COL21A1: variants seen among roughly 807,000 people sequenced by gnomAD.
COL21A1 encodes collagen type XXI alpha 1 chain.
COL21A1 carries 149 observed loss-of-function variants against 137.9 expected under a neutral mutation model. That is an observed-to-expected ratio of 1.08 (90% CI 0.95 to 1.24). COL21A1 has a LOEUF of 1.24. Ranked by LOEUF, COL21A1 falls within the 50% of genes most tolerant of loss-of-function variation. COL21A1 has a pLI of 0.00. For missense variants in COL21A1, 1,167 were observed against 1,158.4 expected (o/e 1.01, Z -0.11); for synonymous variants, 456 against 391.5 (o/e 1.16, Z -1.95).
intron 1 of COL21A1, among the ~76,000 whole-genome samples, chr6:56,202,862 T>C (rs1479914904): frequency 1.3e-5 from 2 of 152,184 alleles, no homozygotes; most frequent in South Asian, 2.1e-4. Context: ...TACATGTCTA[T>C]ATAATGAGAC....
In COL21A1 at chr6:56,152,777, G is replaced by A. The variant is rs574030770; in HGVS notation, c.1434+4110C>T. Reference sequence around the variant, plus strand: ...CCCAGGATTTTTTTATCACTAAAAAGAAGACCTAAATAATTTAGCAGTGCC... The same window carrying A: ...CCCAGGATTTTTTTATCACTAAAAAAAAGACCTAAATAATTTAGCAGTGCC... On this transcript the variant is annotated intron_variant, in intron 10 of 29. Transcript: ENST00000244728. Among the ~76,000 whole-genome samples, 11 of 152,100 alleles carry A rather than the reference G, an allele frequency of 7.2e-5. No individual in the cohort carries two copies. The East Asian group carries it at 1.9e-3, about 27-fold the overall frequency.
chr6:56,225,979 T>C lies in COL21A1; in HGVS notation c.-39+21408A>G, dbSNP rs559651095. Reference sequence around the variant, plus strand: ...CTGTCTTCATTGTGGTGTACATGTTTCTGGAAGTTACAAAGAGTATTATGC... The same window carrying C: ...CTGTCTTCATTGTGGTGTACATGTTCCTGGAAGTTACAAAGAGTATTATGC... On this transcript the variant is annotated intron_variant, in intron 1 of 29. Coordinates refer to ENST00000244728, the MANE Select transcript of COL21A1 (RefSeq NM_030820.4). 2.0e-5 allele frequency: 3 copies of C among 152,190 alleles called. No homozygotes were observed. The South Asian group carries it at 6.2e-4, about 32-fold the overall frequency. The allele number at this position is 152,190 out of a possible 1,614,324, so 9.4% of individuals were successfully genotyped here. A position where few individuals can be genotyped will look rare whatever the true frequency, so the allele number is the denominator to read the frequency against.
chr6:56,075,722 T>G (rs1229626983), intron 18 of COL21A1, among the ~76,000 whole-genome samples, 190 bp from the exon 19 acceptor site: 1 of 151,464 alleles, frequency 6.6e-6, no homozygotes, highest in Non-Finnish European at 1.5e-5. Flanking sequence ...GGATTTACTC[T>G]CAATATTTTT....
Position 56,101,474 on chromosome 6 carries a change from G to C in COL21A1, c.1810C>G (p.Pro604Ala). 1.3e-6 allele frequency: 2 copies of C among 1,591,190 alleles called. No individual in the cohort carries two copies. The highest frequency in any genetic ancestry group is 1.7e-6 in the Non-Finnish European group (2 of 1,166,450). The change falls in exon 17 of 30, where the codon CCT (proline) becomes GCT (alanine). Residue 604 changes from proline (P) to alanine (A), a missense_variant and splice_region_variant. Physicochemically the swap from Pro to Ala is conservative, Grantham distance 27 (BLOSUM62 -1). Coordinates refer to ENST00000244728, the MANE Select transcript of COL21A1 (RefSeq NM_030820.4). ...APGQDGTRGEPGIPGFPGNRG... is the reference protein window; with the variant it reads ...APGQDGTRGEAGIPGFPGNRG... ...AACTGAAATGAGAAGGTACTCACAG[G>C]CTCTCCCCGTGTTCCATCCTGCCCC...
rs535132539 is a variant in COL21A1, at chr6:56,217,082, G to T, written c.-39+30305C>A. Among the ~76,000 whole-genome samples the T allele has an allele frequency of 9.0e-4, 137 of 151,922 alleles. 2 individuals carry two copies. In the South Asian group the frequency reaches 0.028, roughly 31 times the overall value. ...AGAAACTTTTAAGGTGTAGAGTTTG[G>T]GTACTAATTAGAAAATATATTAAGT... On this transcript the variant is annotated intron_variant, in intron 1 of 29. Coordinates refer to ENST00000244728, the MANE Select transcript of COL21A1 (RefSeq NM_030820.4).
chr6:56,369,378 C>T (rs1353204343), intron 1 of COL21A1, among the ~76,000 whole-genome samples: 1 of 151,260 alleles, frequency 6.6e-6, no homozygotes, highest in African/African-American at 2.4e-5. Context: ...ACATATCACA[C>T]AGCAAAAGAA....
intron 1 of COL21A1, among the ~76,000 whole-genome samples, chr6:56,372,637 T>C (rs557955636): frequency 6.6e-6 from 1 of 152,324 alleles, no homozygotes; most frequent in Admixed American, 6.5e-5. Flanking sequence ...TTTATCAGCT[T>C]ATGTAAGGCT....
intron 1 of COL21A1, among the ~76,000 whole-genome samples, chr6:56,253,606 T>G (rs995764039): frequency 1.1e-4 from 17 of 152,198 alleles, no homozygotes; most frequent in Non-Finnish European, 2.9e-5. Flanking sequence ...TTCTGTATTT[T>G]TCCCTATGTG....
rs1372001204 is a variant in COL21A1, at chr6:56,124,253, G to A, written c.1690C>T (p.Leu564Phe). The change falls in exon 15 of 30, where the codon CTC (leucine) becomes TTC (phenylalanine). Residue 564 changes from leucine (L) to phenylalanine (F), a missense_variant. Coordinates refer to ENST00000244728, the MANE Select transcript of COL21A1 (RefSeq NM_030820.4). Reference sequence around the variant, plus strand: ...ATCAAACTCACAGCAGGTCCAGGGAGGCCAGGGAAGCCAGCATTCCCCTTT... The same window carrying A: ...ATCAAACTCACAGCAGGTCCAGGGAAGCCAGGGAAGCCAGCATTCCCCTTT... Reference protein sequence around the residue: ...GEKGNAGFPGLPGPAGEPGRH... With the variant: ...GEKGNAGFPGFPGPAGEPGRH... 3 of 1,603,380 alleles carry A rather than the reference G, an allele frequency of 1.9e-6. No homozygotes were observed. The highest frequency in any genetic ancestry group is 2.3e-5 in the South Asian group (2 of 88,768).
At chr6:56,279,987 T>C (rs1219566724) in intron 1 of COL21A1, among the ~76,000 whole-genome samples, 1 of 152,138 alleles carries the variant, frequency 6.6e-6, no homozygotes, top group East Asian at 1.9e-4. Flanking sequence ...CTCCTCTTCC[T>C]CACTGTGGTA....
intron 1 of COL21A1, among the ~76,000 whole-genome samples, chr6:56,211,907 A>G (rs1477828861): frequency 6.6e-6 from 1 of 152,098 alleles, no homozygotes; most frequent in African/African-American, 2.4e-5. Context: ...AATTCTAAGG[A>G]AGAGTTGAGT....
upstream of COL21A1, among the ~76,000 whole-genome samples, chr6:56,249,779 A>G (rs1403961296): frequency 1.5e-4 from 23 of 152,296 alleles, no homozygotes; most frequent in Admixed American, 1.5e-3. Context: ...GGGTGATAAA[A>G]ATGCTCTGGA....
rs1160303981 is a variant in COL21A1, at chr6:56,290,498, GA to G, written c.-39+103472del. The stretch of plus-strand genomic sequence containing the variant: ...AGATGCATATTAGAATCACTTAGGA[GA>G]TTTTTTTTTTTTTTTTTTGAGACGA... On this transcript the variant is annotated intron_variant, in intron 1 of 28. Transcript: ENST00000370819. Among the ~76,000 whole-genome samples, 12 of 132,996 alleles carry G rather than the reference GA, an allele frequency of 9.0e-5. 1 individual carries two copies. Among genetic ancestry groups the G allele is most frequent in the African/African-American group, 3.2e-4 (11 of 34,380 alleles). 87.3% of individuals were successfully genotyped at this position (132,996 alleles called of 152,430 possible).
intron 24 of COL21A1, 91 bp downstream of exon 24, chr6:56,064,487 C>T (rs1286461552): frequency 2.4e-6 from 2 of 846,512 alleles, no homozygotes; most frequent in African/African-American, 3.4e-5. Flanking sequence ...CTTCTCCCCA[C>T]CCATTTTTAT....
intron 1 of COL21A1, among the ~76,000 whole-genome samples, chr6:56,238,686 T>C (rs1782070011): frequency 6.6e-6 from 1 of 152,098 alleles, no homozygotes; most frequent in African/African-American, 2.4e-5. Context: ...ACCTTTCTCC[T>C]GCATTCTCAG....
chr6:56,180,974 T>G (rs1471806698), intron 2 of COL21A1, among the ~76,000 whole-genome samples: 1 of 152,216 alleles, frequency 6.6e-6, no homozygotes, highest in South Asian at 2.1e-4. Context: ...GTCTTCCTCT[T>G]CACCTGACTA....
intron 16 of COL21A1, among the ~76,000 whole-genome samples, chr6:56,109,053 C>T (rs967164069): frequency 6.6e-6 from 1 of 151,388 alleles, no homozygotes; most frequent in African/African-American, 2.4e-5. Context: ...ATATCAGAAT[C>T]AAGGGGATAC....
At chr6:56,234,132 C>T (rs1322807248) in intron 1 of COL21A1, among the ~76,000 whole-genome samples, 1 of 151,548 alleles carries the variant, frequency 6.6e-6, no homozygotes, top group Non-Finnish European at 1.5e-5. Flanking sequence ...GGAAAAAGTC[C>T]AAACATATTA....
At chr6:56,112,680 C>CTTTTTTTTTTTTT (rs777172358) in intron 16 of COL21A1, among the ~76,000 whole-genome samples, 3 of 129,678 alleles carry the variant, frequency 2.3e-5, no homozygotes, top group Non-Finnish European at 5.0e-5. Flanking sequence ...TTTTTCTTTT[C>CTTTTTTTTTTTTT]TTTTTTCTTT....
Sources: gnomAD v4.1 joint callset for allele counts (sites outside exome capture counted in the v4.1 genomes callset) on GRCh38, gnomAD v4.1.1 for gene constraint, MANE v1.5 for transcripts, NCBI Gene and HGNC (gene_info 2026-07-23, HGNC 2026-07-21) for gene names.